The following ABHD2 variants were observed in gnomAD, a reference collection of about 807,000 sequenced individuals.
ABHD2 encodes abhydrolase domain containing 2, acylglycerol lipase.
Under a neutral mutation model 48.1 loss-of-function variants are expected in ABHD2, and 20 were observed. That is an observed-to-expected ratio of 0.42 (90% CI 0.29 to 0.60). The LOEUF (loss-of-function observed/expected upper bound fraction) is 0.60. Among genes scored for constraint, ABHD2 ranks in the 20% least tolerant of loss-of-function variants. The pLI is 0.24. For synonymous variants in ABHD2, 209 were observed against 214.2 expected (o/e 0.98, Z 0.21); for missense variants, 405 against 550.9 (o/e 0.74, Z 2.65).
At chr15:89,080,440 C>T in the ABHD2 span, among the ~76,000 whole-genome samples, 1 of 152,166 alleles carries the variant, frequency 6.6e-6, no homozygotes, top group African/African-American at 2.4e-5. Context: ...TAGAAGTGTT[C>T]TGGAGAGAAC....
Position 89,104,059 on chromosome 15 carries a change from G to C in ABHD2, c.-106-9666G>C, listed in dbSNP as rs1399689269. The C allele has an allele frequency of 6.6e-6, 1 of 152,232 alleles. No homozygotes were observed. Among genetic ancestry groups the C allele is most frequent in the Admixed American group, 6.5e-5 (1 of 15,288 alleles). The allele number at this position is 152,232 out of a possible 1,614,324, so 9.4% of individuals were successfully genotyped here. On this transcript the variant is annotated intron_variant, in intron 1 of 10. Coordinates refer to ENST00000352732, the MANE Select transcript of ABHD2 (RefSeq NM_152924.5). The surrounding 1 kb of genome is among the most constrained non-coding windows in gnomAD (Gnocchi z 4.4). ...CAGCGTCCGAGGTATTTATAAAACA[G>C]AAATAAGTAAAGCATGCCTCAAAAT...
rs2050495369 is a variant in ABHD2, at chr15:89,146,519, C to G, written c.195-5158C>G. On this transcript the variant is annotated intron_variant, in intron 3 of 10. Coordinates refer to ENST00000352732, the MANE Select transcript of ABHD2 (RefSeq NM_152924.5). This position sits in a 1 kb window ranked among gnomAD's most constrained non-coding sequence, Gnocchi z 4.2. ...GGCTCAGAAGATAAGGACAGGCTGG[C>G]CTCTATATTTTGTTGTGGCCCAGCT... 6.6e-6 allele frequency among the ~76,000 whole-genome samples: 1 copy of G among 152,042 alleles called. No individual in the cohort carries two copies. Among genetic ancestry groups the G allele is most frequent in the Admixed American group, 6.6e-5 (1 of 15,260 alleles).
rs1240330560 is a variant in ABHD2, at chr15:89,177,278, A to C, written c.722+1283A>C. Reference sequence around the variant, plus strand: ...GTGCTTAGAACAGTGCCCAGCACGCAGAACGTAAGCCACTGTTCATTTTCA... The same window carrying C: ...GTGCTTAGAACAGTGCCCAGCACGCCGAACGTAAGCCACTGTTCATTTTCA... On this transcript the variant is annotated intron_variant, in intron 6 of 10. Coordinates refer to ENST00000352732, the MANE Select transcript of ABHD2 (RefSeq NM_152924.5). The surrounding 1 kb of genome is among the most constrained non-coding windows in gnomAD (Gnocchi z 5.6). Among the ~76,000 whole-genome samples, 1 of 152,236 alleles carries C rather than the reference A, an allele frequency of 6.6e-6. No individual in the cohort carries two copies. The highest frequency in any genetic ancestry group is 1.5e-5 in the Non-Finnish European group (1 of 68,036).
At chr15:89,113,859 C>T (rs529243727) in intron 2 of ABHD2, 35 bp downstream of exon 2, 2 of 152,124 alleles carry the variant, frequency 1.3e-5, no homozygotes, top group Non-Finnish European at 2.9e-5. Context: ...TTTGTTTCTC[C>T]TCCCCTTATG....
the ABHD2 span, among the ~76,000 whole-genome samples, chr15:89,063,589 G>T: frequency 6.6e-6 from 1 of 151,770 alleles, no homozygotes; most frequent in African/African-American, 2.4e-5. Flanking sequence ...AACACAAAGA[G>T]AAAGGGGAGT....
chr15:89,084,712 G>T (rs567201365), upstream of ABHD2, among the ~76,000 whole-genome samples: 19 of 152,314 alleles, frequency 1.2e-4, no homozygotes, highest in Middle Eastern at 3.4e-3. The surrounding 1 kb of genome is among the most constrained non-coding windows in gnomAD (Gnocchi z 4.4). Context: ...TTAGAGGAAG[G>T]TTCTGAAATG....
intron 5 of ABHD2, among the ~76,000 whole-genome samples, chr15:89,159,203 C>G (rs984078351): frequency 6.6e-6 from 1 of 151,814 alleles, no homozygotes; most frequent in African/African-American, 2.4e-5. Context: ...ATGGTGAAAC[C>G]CTGTGTCTAC....
chr15:89,050,956 G>A, the ABHD2 span, among the ~76,000 whole-genome samples: 1 of 152,180 alleles, frequency 6.6e-6, no homozygotes, highest in Non-Finnish European at 1.5e-5. Context: ...AAATAGGCCA[G>A]GCACAGTGGC....
At chr15:89,042,963 C>T in the ABHD2 span, among the ~76,000 whole-genome samples, 3 of 152,138 alleles carry the variant, frequency 2.0e-5, no homozygotes, top group Non-Finnish European at 1.5e-5. Context: ...CCACGGCGCC[C>T]GGCCTATACC....
rs1406450983 is a variant in ABHD2, at chr15:89,104,495, CCA to C, written c.-106-9227_-106-9226del. Among the ~76,000 whole-genome samples the C allele has an allele frequency of 6.6e-6, 1 of 152,138 alleles. No individual in the cohort carries two copies. Among genetic ancestry groups the C allele is most frequent in the Non-Finnish European group, 1.5e-5 (1 of 68,024 alleles). On this transcript the variant is annotated intron_variant, in intron 1 of 10. Transcript: ENST00000352732. This position sits in a 1 kb window ranked among gnomAD's most constrained non-coding sequence, Gnocchi z 4.4. ...CGTGTTAATGCTGTCATCACGGGCC[CCA>C]CAGTGTGTATTAGCCAAGTACTGGG...
chr15:89,074,767 T>C, the ABHD2 span, among the ~76,000 whole-genome samples: 1 of 152,228 alleles, frequency 6.6e-6, no homozygotes, highest in African/African-American at 2.4e-5. Context: ...CATTTTCTTC[T>C]GGAACATTGC....
intron 3 of ABHD2, among the ~76,000 whole-genome samples, chr15:89,150,404 C>G (rs1465462325): frequency 6.6e-6 from 1 of 152,200 alleles, no homozygotes; most frequent in Non-Finnish European, 1.5e-5. Context: ...TCATAATCCA[C>G]TCAGCTCTTA....
Position 89,201,183 on chromosome 15 carries a change from C to T in ABHD2, c.*5760C>T. ...CTGAAGGATGCAGTTGAGGTTGATC[C>T]AGGTTTATCCGAATATGCTACCTTT... On this transcript the variant is annotated 3_prime_UTR_variant, in exon 11 of 11. Coordinates refer to ENST00000352732, the MANE Select transcript of ABHD2 (RefSeq NM_152924.5). 1 of 1,475,052 alleles carries T rather than the reference C, an allele frequency of 6.8e-7. No homozygotes were observed. Among genetic ancestry groups the T allele is most frequent in the South Asian group, 1.1e-5 (1 of 87,790 alleles). 91.4% of individuals were successfully genotyped at this position (1,475,052 alleles called of 1,614,324 possible). A position where few individuals can be genotyped will look rare whatever the true frequency, so the allele number is the denominator to read the frequency against.
chr15:89,113,375 T>C (rs1016613013), intron 1 of ABHD2, among the ~76,000 whole-genome samples: 3 of 152,254 alleles, frequency 2.0e-5, no homozygotes, highest in Non-Finnish European at 4.4e-5. Context: ...CTTGCTAAGT[T>C]ATTTCATTGG....
At chr15:89,047,986 C>T in the ABHD2 span, among the ~76,000 whole-genome samples, 15 of 150,992 alleles carry the variant, frequency 9.9e-5, no homozygotes, top group South Asian at 2.1e-4. Flanking sequence ...CAGTTTCTTC[C>T]TAGTCTCGAT....
intron 4 of ABHD2, among the ~76,000 whole-genome samples, chr15:89,153,944 A>G (rs1307422955): frequency 6.6e-6 from 1 of 152,234 alleles, no homozygotes; most frequent in Non-Finnish European, 1.5e-5. Context: ...ATGTGGTCAT[A>G]TTATAATTAA....
intron 3 of ABHD2, among the ~76,000 whole-genome samples, chr15:89,117,699 C>T (rs572795199): frequency 6.6e-6 from 1 of 152,332 alleles, no homozygotes; most frequent in South Asian, 2.1e-4. Flanking sequence ...GGTAGAAGCT[C>T]TTCCCTGCAT....
At chr15:89,054,754 T>C in the ABHD2 span, among the ~76,000 whole-genome samples, 1 of 152,196 alleles carries the variant, frequency 6.6e-6, no homozygotes, top group Non-Finnish European at 1.5e-5. Context: ...TTTCAGTGTT[T>C]ATTCTTTCTC....
rs2051251318 is a variant in ABHD2 at position 89,188,507 on chromosome 15, A to G, written c.926+204A>G. On this transcript the variant is annotated intron_variant, in intron 8 of 10. Transcript: ENST00000352732. The surrounding 1 kb of genome is among the most constrained non-coding windows in gnomAD (Gnocchi z 4.1). ...TTCTAGTTTCTCCTGGAAAATAGGA[A>G]AAGGATCCGACCACTCATTCTGCAT... Among the ~76,000 whole-genome samples, 1 of 152,250 alleles carries G rather than the reference A, an allele frequency of 6.6e-6. No homozygotes were observed. Among genetic ancestry groups the G allele is most frequent in the Admixed American group, 6.5e-5 (1 of 15,290 alleles).
Sources: allele counts gnomAD v4.1 joint callset (sites outside exome capture counted in the v4.1 genomes callset), GRCh38; gene constraint gnomAD v4.1.1; non-coding constraint Gnocchi (gnomAD v3.1); transcripts MANE v1.5; gene names NCBI Gene and HGNC (gene_info 2026-07-23, HGNC 2026-07-21).